Variants in FANCC observed in about 807,000 individuals in gnomAD.
FANCC encodes Fanconi anemia group C protein.
A neutral mutation model predicts 71.3 loss-of-function variants in FANCC; 55 were observed. That is an observed-to-expected ratio of 0.77 (90% CI 0.62 to 0.97). The LOEUF is 0.97. FANCC is among the 50% of genes least tolerant of loss of function. The pLI, the probability that FANCC is intolerant of heterozygous loss-of-function variation, is 0.00. For synonymous variants in FANCC, 275 were observed against 244.9 expected, an observed-to-expected ratio of 1.12 and a Z score of -1.15; for missense variants, 678 against 670.9, an observed-to-expected ratio of 1.01 and a Z score of -0.12.
At chr9:95,180,587 C>T (rs1264885282) in intron 4 of FANCC, among the ~76,000 whole-genome samples, 1 of 151,688 alleles carries the variant, frequency 6.6e-6, no homozygotes, top group Non-Finnish European at 1.5e-5. Flanking sequence ...GATCCTTCTG[C>T]CTTGGTCTCC....
At chr9:95,313,639 T>C (rs1835552327) in intron 1 of FANCC, among the ~76,000 whole-genome samples, 1 of 152,186 alleles carries the variant, frequency 6.6e-6, no homozygotes, top group South Asian at 2.1e-4. Context: ...ATTACGGTAA[T>C]ACCAAAGCCA....
chr9:95,133,462 C>G (rs900056246), intron 8 of FANCC, among the ~76,000 whole-genome samples: 4 of 152,224 alleles, frequency 2.6e-5, no homozygotes, highest in African/African-American at 9.6e-5. Flanking sequence ...AGCTGTGTGA[C>G]TCGTGGGAGA....
chr9:95,168,486 A>C lies in FANCC; in HGVS notation c.521+2593T>G, dbSNP rs543380754. Among the ~76,000 whole-genome samples, 25 of 152,346 alleles carry C rather than the reference A, an allele frequency of 1.6e-4. No homozygotes were observed. The South Asian group carries it at 4.8e-3, about 29-fold the overall frequency. On this transcript the variant is annotated intron_variant, in intron 6 of 14. Coordinates refer to ENST00000289081, the MANE Select transcript of FANCC (RefSeq NM_000136.3). The stretch of plus-strand genomic sequence containing the variant: ...CTAGCCATGGTCACCCGTGGTCCAA[A>C]AATATTAAATGAAAAAATTCCAGAA...
At chr9:95,167,569 C>T (rs918362161) in intron 6 of FANCC, among the ~76,000 whole-genome samples, 12 of 152,078 alleles carry the variant, frequency 7.9e-5, no homozygotes, top group Admixed American at 6.5e-5. Flanking sequence ...ACCCTTTCTT[C>T]TGTTTGATCA....
intron 1 of FANCC, among the ~76,000 whole-genome samples, chr9:95,305,756 T>C (rs969941628): frequency 6.6e-5 from 10 of 152,220 alleles, no homozygotes. Context: ...AGACACGCCA[T>C]ACTTCAGGTT....
At chr9:95,159,372 T>C (rs906472258) in intron 6 of FANCC, among the ~76,000 whole-genome samples, 14 of 152,250 alleles carry the variant, frequency 9.2e-5, no homozygotes, top group South Asian at 4.1e-4. Context: ...TCATCCTTTT[T>C]TATGGCTGCA....
chr9:95,180,845 C>T (rs1218596493), intron 4 of FANCC, among the ~76,000 whole-genome samples: 2 of 152,152 alleles, frequency 1.3e-5, no homozygotes, highest in Non-Finnish European at 2.9e-5. Context: ...ATGTGTTATA[C>T]TACATTATAA....
Position 95,107,068 on chromosome 9 carries a change from G to C in FANCC, c.1531C>G (p.Leu511Val). Residue 511 changes from leucine to valine, a missense_variant and splice_region_variant, in exon 14 of 15, where the codon CTG (leucine) becomes GTG (valine). Leu to Val is a conservative substitution (Grantham distance 32, BLOSUM62 1). Transcript: ENST00000289081. ...GHTIAWDVIT[L>V]MAHTAEITHE... ...TGCTGGACCACAGGGAGACTTACCA[G>C]GGTGATGACATCCCAGGCGATCGTG... 6.2e-7 allele frequency: 1 copy of C among 1,614,182 alleles called. No homozygotes were observed.
intron 4 of FANCC, among the ~76,000 whole-genome samples, chr9:95,237,682 G>A (rs946891371): frequency 2.6e-5 from 4 of 152,144 alleles, no homozygotes; most frequent in African/African-American, 4.8e-5. Flanking sequence ...AACAACTTGG[G>A]TATGTGAATC....
chr9:95,191,258 G>C (rs1420581938), intron 4 of FANCC, among the ~76,000 whole-genome samples: 1 of 151,842 alleles, frequency 6.6e-6, no homozygotes, highest in East Asian at 1.9e-4. Context: ...TATGGCCCAG[G>C]GTGGGGTTCA....
intron 4 of FANCC, among the ~76,000 whole-genome samples, chr9:95,175,488 C>T (rs1174294958): frequency 6.6e-6 from 1 of 152,132 alleles, no homozygotes; most frequent in African/African-American, 2.4e-5. Context: ...TCAAATCTGC[C>T]GCAAATACAG....
At chr9:95,251,100 G>T (rs1020090078) in intron 1 of FANCC, among the ~76,000 whole-genome samples, 4 of 152,152 alleles carry the variant, frequency 2.6e-5, no homozygotes, top group Admixed American at 6.5e-5. Flanking sequence ...GCTGATTCCA[G>T]TTAATTATCC....
chr9:95,292,409 G>A, intron 1 of FANCC: 1 of 1,071,410 alleles, frequency 9.3e-7, no homozygotes, highest in Non-Finnish European at 1.1e-6. Flanking sequence ...CCGTCCCGGC[G>A]GCCACGAGAG....
chr9:95,144,027 CACTGGTGT>C (rs35800108), intron 7 of FANCC, among the ~76,000 whole-genome samples: 3,502 of 152,204 alleles, frequency 0.023, 140 homozygotes, highest in African/African-American at 0.08. Context: ...GATGAAATTC[CACTGGTGT>C]ACTGTGGTAA....
intron 9 of FANCC, among the ~76,000 whole-genome samples, chr9:95,125,810 G>A (rs1445176698): frequency 6.6e-6 from 1 of 152,158 alleles, no homozygotes; most frequent in Non-Finnish European, 1.5e-5. Context: ...TAGGTGGGAG[G>A]GGCTAGAGAG....
At chr9:95,105,837 C>T (rs1351399946) in intron 14 of FANCC, among the ~76,000 whole-genome samples, 6 of 152,230 alleles carry the variant, frequency 3.9e-5, no homozygotes, top group Admixed American at 2.6e-4. Flanking sequence ...ACAGTACTCT[C>T]TTGTGGGTAC....
intron 4 of FANCC, among the ~76,000 whole-genome samples, chr9:95,225,474 G>A (rs1829560628): frequency 6.6e-6 from 1 of 152,156 alleles, no homozygotes; most frequent in Admixed American, 6.5e-5. Flanking sequence ...GAAGGGGCCT[G>A]GAGGATAGAG....
intron 8 of FANCC, among the ~76,000 whole-genome samples, chr9:95,127,947 CTT>C (rs1826257737): frequency 6.6e-6 from 1 of 152,240 alleles, no homozygotes; most frequent in Admixed American, 6.5e-5. Flanking sequence ...ATGTCCTACT[CTT>C]TAAATAATCT....
chr9:95,099,677 C>G lies in FANCC; in HGVS notation c.*2030G>C, dbSNP rs942869166. 2.6e-5 allele frequency: 6 copies of G among 231,954 alleles called. No individual in the cohort carries two copies. The East Asian group carries it at 3.6e-4, about 14-fold the overall frequency. 14.4% of individuals were successfully genotyped at this position (231,954 alleles called of 1,614,324 possible). On this transcript the variant is annotated 3_prime_UTR_variant, in exon 15 of 15. Transcript: ENST00000289081. ...CAGCAGGCACTTCAGTGCCACGTCC[C>G]CAGAGGGACAGTCCTCCCACCCAGG...
Sources: gnomAD v4.1 joint callset for allele counts (sites outside exome capture counted in the v4.1 genomes callset) on GRCh38, gnomAD v4.1.1 for gene constraint, MANE v1.5 for transcripts, NCBI Gene and HGNC (gene_info 2026-07-23, HGNC 2026-07-21) for gene names.